The following NUP153 variants were observed in gnomAD, a reference collection of about 807,000 sequenced individuals.
NUP153 encodes the protein nuclear pore complex protein Nup153.
A neutral mutation model predicts 134.6 loss-of-function variants in NUP153; 27 were observed. That is an observed-to-expected ratio of 0.20 (90% CI 0.15 to 0.28). The LOEUF is 0.28. Among genes scored for constraint, NUP153 ranks in the 10% least tolerant of loss-of-function variants. NUP153 has a pLI of 1.00. For synonymous variants in NUP153, 640 were observed against 623.5 expected (o/e 1.03, Z -0.40); for missense variants, 1,821 against 1,731.3 (o/e 1.05, Z -0.92).
intron 14 of NUP153, among the ~76,000 whole-genome samples, chr6:17,642,734 C>T (rs544056867): frequency 1.1e-4 from 16 of 152,270 alleles, no homozygotes; most frequent in African/African-American, 3.4e-4. Flanking sequence ...TACACATACA[C>T]ATATGTTCAC....
rs563089136 is a variant in NUP153, at chr6:17,658,841, A to G, written c.1395+2812T>C. On this transcript the variant is annotated intron_variant, in intron 11 of 21. Coordinates refer to ENST00000262077, the MANE Select transcript of NUP153 (RefSeq NM_005124.4). ...CGACCAGCTCAGTGGTTAACCAAGA[A>G]GTAGCTTCAAAGCACTTTCCAAAGC... 6.6e-5 allele frequency among the ~76,000 whole-genome samples: 10 copies of G among 152,294 alleles called. No individual in the cohort carries two copies. The East Asian group carries it at 1.9e-3, about 29-fold the overall frequency.
chr6:17,662,135 G>A lies in NUP153; in HGVS notation c.1216-65C>T. The A allele has an allele frequency of 3.6e-6, 5 of 1,374,628 alleles. No homozygotes were observed. In the South Asian group the frequency reaches 5.2e-5, roughly 14 times the overall value. The allele number at this position is 1,374,628 out of a possible 1,614,324, so 85.2% of individuals were successfully genotyped here. ...GTTGTAATTTTCTTAGTACCACCTT[G>A]CTTCCTATTAATTTTAATATTTAGA... On this transcript the variant is annotated intron_variant, in intron 9 of 21. Transcript: ENST00000262077.
At chr6:17,699,331 C>T (rs1333902731) in intron 1 of NUP153, among the ~76,000 whole-genome samples, 2 of 151,476 alleles carry the variant, frequency 1.3e-5, no homozygotes, top group African/African-American at 2.4e-5. Flanking sequence ...CCCGTCCCTA[C>T]TAAAGATATA....
chr6:17,628,610 T>TA lies in NUP153; in HGVS notation c.3544+44dup, dbSNP rs11422297. The TA allele has an allele frequency of 0.49, 451,236 of 919,854 alleles. 66,808 individuals are homozygous for TA. Among genetic ancestry groups the TA allele is most frequent in the East Asian group, 0.68 (15,761 of 23,324 alleles). 57.0% of individuals were successfully genotyped at this position (919,854 alleles called of 1,614,324 possible). A position where few individuals can be genotyped will look rare whatever the true frequency, so the allele number is the denominator to read the frequency against. On this transcript the variant is annotated intron_variant, in intron 18 of 21. Coordinates refer to ENST00000262077, the MANE Select transcript of NUP153 (RefSeq NM_005124.4). The surrounding 1 kb of genome is among the most constrained non-coding windows in gnomAD (Gnocchi z 5.4). The stretch of plus-strand genomic sequence containing the variant: ...AGGCAACTTGTAAAACGACAACTTG[T>TA]AAAAAAAAAAATAATAATAATAATA...
intron 1 of NUP153, among the ~76,000 whole-genome samples, chr6:17,701,693 G>C (rs893218636): frequency 4.0e-5 from 6 of 151,456 alleles, no homozygotes; most frequent in African/African-American, 1.5e-4. Context: ...AATTAGCTAG[G>C]CGTGGTGGCC....
intron 13 of NUP153, among the ~76,000 whole-genome samples, chr6:17,646,946 G>A (rs1167304852): frequency 1.4e-5 from 2 of 141,490 alleles, no homozygotes; most frequent in South Asian, 2.2e-4. Flanking sequence ...TAGTAGAGAC[G>A]AGGTTCCACT....
At chr6:17,700,513 A>T (rs1345964085) in intron 1 of NUP153, among the ~76,000 whole-genome samples, 2 of 152,230 alleles carry the variant, frequency 1.3e-5, no homozygotes, top group African/African-American at 4.8e-5. Flanking sequence ...CATCTAGGAT[A>T]AAGCAAATAA....
At chr6:17,645,378 T>C (rs984085051) in intron 14 of NUP153, among the ~76,000 whole-genome samples, 5 of 151,972 alleles carry the variant, frequency 3.3e-5, no homozygotes, top group Non-Finnish European at 7.4e-5. Flanking sequence ...ACTGTAGCCT[T>C]GAATTCCTGG....
chr6:17,700,338 A>C lies in NUP153; in HGVS notation c.111+5939T>G, dbSNP rs187699199. 2.5e-3 allele frequency among the ~76,000 whole-genome samples: 375 copies of C among 152,278 alleles called. 1 individual carries two copies. The highest frequency in any genetic ancestry group is 3.5e-3 in the Non-Finnish European group (238 of 68,026). On this transcript the variant is annotated intron_variant, in intron 1 of 21. Coordinates refer to ENST00000262077, the MANE Select transcript of NUP153 (RefSeq NM_005124.4). ...ACTTGTCCCATTTAACCTCCACAACAATTTTCACTTTACAGATGAGTAAAT... is the reference window on the plus strand; with the variant it reads ...ACTTGTCCCATTTAACCTCCACAACCATTTTCACTTTACAGATGAGTAAAT...
chr6:17,621,706 G>A (rs1295078479), intron 20 of NUP153, among the ~76,000 whole-genome samples: 1 of 152,154 alleles, frequency 6.6e-6, no homozygotes, highest in Non-Finnish European at 1.5e-5. Context: ...TTGGGGTGGT[G>A]GTAGGAAGGG....
At chr6:17,686,154 AAAG>A (rs1263746591) in intron 2 of NUP153, among the ~76,000 whole-genome samples, 3 of 5,102 alleles carry the variant, frequency 5.9e-4, no homozygotes, top group Non-Finnish European at 3.3e-3. Context: ...TCTTTAAAAA[AAAG>A]AAAGAAAGAA....
chr6:17,699,100 C>G (rs1769869724), intron 1 of NUP153, among the ~76,000 whole-genome samples: 1 of 152,112 alleles, frequency 6.6e-6, no homozygotes. Context: ...TGGTATGTGT[C>G]AGCAAGACTT....
At chr6:17,663,947 C>CAAA (rs1234301307) in intron 9 of NUP153, among the ~76,000 whole-genome samples, 3 of 151,714 alleles carry the variant, frequency 2.0e-5, no homozygotes, top group African/African-American at 7.3e-5. Context: ...CACAAACACA[C>CAAA]AAAAAAACAC....
chr6:17,698,364 G>A (rs1165089003), intron 1 of NUP153, among the ~76,000 whole-genome samples: 1 of 152,168 alleles, frequency 6.6e-6, no homozygotes, highest in Non-Finnish European at 1.5e-5. Context: ...GGCCAAGGCA[G>A]GGGTTCTGCT....
chr6:17,701,834 G>GT (rs200078255), intron 1 of NUP153, among the ~76,000 whole-genome samples: 2,823 of 103,810 alleles, frequency 0.027, 229 homozygotes, highest in Middle Eastern at 0.047. Context: ...CTCTGTCTCG[G>GT]GGGGGGGGGG....
At chr6:17,624,519 A>T (rs374231956) in intron 20 of NUP153, 42 bp downstream of exon 20, 16 of 1,587,598 alleles carry the variant, frequency 1.0e-5, no homozygotes, top group Non-Finnish European at 1.3e-5. Flanking sequence ...TTTAAGACAC[A>T]CAAAACCCAT....
At chr6:17,686,895 G>C (rs13213673) in intron 2 of NUP153, among the ~76,000 whole-genome samples, 2 of 147,718 alleles carry the variant, frequency 1.4e-5, no homozygotes, top group African/African-American at 5.0e-5. Context: ...GGCGGGCGGC[G>C]GGGGAGGGGG....
In NUP153 at chr6:17,624,697, A is replaced by T. The variant is rs760414084; in HGVS notation, c.4038T>A (p.Ser1346=). The T allele has an allele frequency of 6.2e-7, 1 of 1,614,180 alleles. No homozygotes were observed. The highest frequency in any genetic ancestry group is 8.5e-7 in the Non-Finnish European group (1 of 1,180,026). The change falls in exon 20 of 22, where the codon TCT becomes TCA. Residue 1346 remains serine (S), a synonymous_variant. Transcript: ENST00000262077. ...AACCAGTGGGAAATAATGCTGTGGA[A>T]GATGATATAGATCCAAAGCCTGGGG... ...PNPPGFGSIS[S]STALFPTGSQ...
chr6:17,697,815 G>C (rs1769762286), intron 1 of NUP153, among the ~76,000 whole-genome samples: 1 of 151,630 alleles, frequency 6.6e-6, no homozygotes, highest in Admixed American at 6.6e-5. Context: ...GGTGGGGGAA[G>C]GCTATTCTAT....
Sources: allele counts gnomAD v4.1 joint callset (sites outside exome capture counted in the v4.1 genomes callset), GRCh38; gene constraint gnomAD v4.1.1; non-coding constraint Gnocchi (gnomAD v3.1); transcripts MANE v1.5; gene names NCBI Gene and HGNC (gene_info 2026-07-23, HGNC 2026-07-21).